Variants in CFAP46 observed in about 807,000 individuals in gnomAD.
The protein encoded by CFAP46 is cilia- and flagella-associated protein 46.
A neutral mutation model predicts 325.7 loss-of-function variants in CFAP46; 245 were observed. The observed-to-expected ratio is 0.75, with a 90% CI of 0.68 to 0.84. The LOEUF (loss-of-function observed/expected upper bound fraction) is 0.84. Among genes scored for constraint, CFAP46 ranks in the 40% least tolerant of loss-of-function variants. The pLI, the probability that CFAP46 is intolerant of heterozygous loss-of-function variation, is 0.00. For missense variants in CFAP46, 3,346 were observed against 3,543.0 expected (o/e 0.94, Z 1.41); for synonymous variants, 1,523 against 1,495.9 (o/e 1.02, Z -0.42).
chr10:132,821,015 GC>G (rs1847799206), intron 50 of CFAP46, among the ~76,000 whole-genome samples: 1 of 142,682 alleles, frequency 7.0e-6, no homozygotes, highest in African/African-American at 2.7e-5. Flanking sequence ...TGCTGTGTGT[GC>G]TGTGTGCTGT....
Position 132,860,425 on chromosome 10 carries a change from T to C in CFAP46, c.5190A>G (p.Leu1730=), listed in dbSNP as rs1230037994. 18 of 1,549,126 alleles carry C rather than the reference T, an allele frequency of 1.2e-5. No individual in the cohort carries two copies. In the Admixed American group the frequency reaches 3.3e-4, roughly 29 times the overall value. The change falls in exon 37 of 58, where the codon CTA becomes CTG. Residue 1730 remains leucine, a synonymous_variant. Coordinates refer to ENST00000368586, the MANE Select transcript of CFAP46 (RefSeq NM_001200049.3). Reference sequence around the variant, plus strand: ...TTCTTACAAAGAGTTACCTGGCTTCTAGATCTGTGATCATGAATTCCAGTA... The same window carrying C: ...TTCTTACAAAGAGTTACCTGGCTTCCAGATCTGTGATCATGAATTCCAGTA... The part of the protein sequence containing the change: ...LPLLEFMITD[L]EARCLSLRVR...
chr10:132,910,762 A>G (rs1849529576), intron 19 of CFAP46, among the ~76,000 whole-genome samples: 1 of 152,140 alleles, frequency 6.6e-6, no homozygotes, highest in African/African-American at 2.4e-5. Flanking sequence ...ACAGACACCT[A>G]CTGGGCAGCG....
At chr10:132,823,784 A>C (rs200881577) in intron 50 of CFAP46, among the ~76,000 whole-genome samples, 1 of 40,716 alleles carries the variant, frequency 2.5e-5, no homozygotes, top group African/African-American at 6.7e-5. Context: ...CTGTGTGTGC[A>C]CTGATGTGTG....
intron 19 of CFAP46, among the ~76,000 whole-genome samples, chr10:132,912,123 C>CT (rs1339042091): frequency 5.4e-5 from 5 of 92,928 alleles, no homozygotes; most frequent in Admixed American, 1.3e-4. Context: ...CCTCCACCCC[C>CT]ACCCCCCCAC....
chr10:132,936,370 C>T (rs1169659594), intron 7 of CFAP46, among the ~76,000 whole-genome samples: 3 of 79,168 alleles, frequency 3.8e-5, no homozygotes, highest in African/African-American at 1.1e-4. Context: ...CCCCTCGGCA[C>T]CCAAACACAC....
chr10:132,852,422 T>G (rs76092010), intron 39 of CFAP46, among the ~76,000 whole-genome samples: 257 of 98,468 alleles, frequency 2.6e-3, no homozygotes, highest in African/African-American at 3.8e-3. Flanking sequence ...TGTTCCTCCA[T>G]TTACTTAGGA....
At chr10:132,821,811 CTGA>C (rs1397945512) in intron 50 of CFAP46, among the ~76,000 whole-genome samples, 1 of 130,008 alleles carries the variant, frequency 7.7e-6, no homozygotes, top group Non-Finnish European at 1.6e-5. Context: ...TGTGTGAGTG[CTGA>C]TGTGTGCTGT....
At chr10:132,845,295 G>C (rs1848415013) in intron 44 of CFAP46, among the ~76,000 whole-genome samples, 1 of 152,216 alleles carries the variant, frequency 6.6e-6, no homozygotes, top group Admixed American at 6.5e-5. Flanking sequence ...TCTGGGTTGA[G>C]TCACCAGTTC....
chr10:132,902,291 C>T (rs1193642950), intron 22 of CFAP46, among the ~76,000 whole-genome samples: 1 of 151,664 alleles, frequency 6.6e-6, no homozygotes, highest in Non-Finnish European at 1.5e-5. Context: ...GCTCTGTGGC[C>T]CCACGGGTCA....
chr10:132,933,480 G>T (rs58424767), intron 8 of CFAP46, among the ~76,000 whole-genome samples: 4,559 of 152,330 alleles, frequency 0.03, 229 homozygotes, highest in African/African-American at 0.1. Flanking sequence ...ACTTCAGTTA[G>T]AACAACCTGG....
chr10:132,827,824 G>A lies in CFAP46; in HGVS notation c.7117+5534C>T, dbSNP rs1239055805. ...AAGCAACTTACCTGCCTTCTGACTT[G>A]TACATTGGTTTGTATTTCCCAGGCT... On this transcript the variant is annotated intron_variant, in intron 50 of 57. Transcript: ENST00000368586. This position sits in a 1 kb window ranked among gnomAD's most constrained non-coding sequence, Gnocchi z 5.7. Among the ~76,000 whole-genome samples the A allele has an allele frequency of 6.8e-6, 1 of 147,958 alleles. No individual in the cohort carries two copies. Among genetic ancestry groups the A allele is most frequent in the Non-Finnish European group, 1.5e-5 (1 of 67,538 alleles).
chr10:132,858,548 G>C (rs969889474), intron 38 of CFAP46, among the ~76,000 whole-genome samples: 1 of 152,066 alleles, frequency 6.6e-6, no homozygotes, highest in Non-Finnish European at 1.5e-5. Flanking sequence ...CATCAGGGCT[G>C]TGCTGGCCCT....
At chr10:132,933,977 C>T (rs1314629118) in intron 8 of CFAP46, among the ~76,000 whole-genome samples, 1 of 152,214 alleles carries the variant, frequency 6.6e-6, no homozygotes, top group Non-Finnish European at 1.5e-5. Context: ...ATCCCGCAGA[C>T]ACAGCGAGGT....
chr10:132,847,149 G>A lies in CFAP46; in HGVS notation c.6087+38C>T. 1 of 1,608,520 alleles carries A rather than the reference G, an allele frequency of 6.2e-7. No individual in the cohort carries two copies. On this transcript the variant is annotated intron_variant, in intron 42 of 57. Transcript: ENST00000368586. The surrounding 1 kb of genome is among the most constrained non-coding windows in gnomAD (Gnocchi z 5.2). ...AGGCTCAGGCTCAGGCCAGGCTCCG[G>A]GCAGAGGCCACACGAGGGGCAGGAG... is the stretch of plus-strand genomic sequence containing the variant.
chr10:132,883,761 T>C (rs965804626), intron 27 of CFAP46, among the ~76,000 whole-genome samples: 2 of 152,116 alleles, frequency 1.3e-5, no homozygotes, highest in Non-Finnish European at 2.9e-5. Context: ...TACGACTCAG[T>C]CCTAAACGGG....
chr10:132,893,376 G>A (rs1849280093), intron 24 of CFAP46, among the ~76,000 whole-genome samples: 1 of 152,236 alleles, frequency 6.6e-6, no homozygotes, highest in African/African-American at 2.4e-5. Flanking sequence ...TCACTGGGAG[G>A]AATGTGCACT....
At chr10:132,938,505 C>A (rs1036693193) in intron 5 of CFAP46, 84 bp downstream of exon 5, 8 of 1,203,642 alleles carry the variant, frequency 6.6e-6, no homozygotes, top group Non-Finnish European at 8.9e-6. Context: ...AACTCCCGTC[C>A]CCCCCCCGGA....
rs769301648 is a variant in CFAP46 at position 132,886,049 on chromosome 10, G to A, written c.3305-90C>T. The A allele has an allele frequency of 1.7e-5, 25 of 1,485,082 alleles. No individual in the cohort carries two copies. The highest frequency in any genetic ancestry group is 2.2e-5 in the Non-Finnish European group (24 of 1,102,036). The allele number at this position is 1,485,082 out of a possible 1,614,324, so 92.0% of individuals were successfully genotyped here. A position where few individuals can be genotyped will look rare whatever the true frequency, so the allele number is the denominator to read the frequency against. On this transcript the variant is annotated intron_variant, in intron 25 of 57. Transcript: ENST00000368586. This position sits in a 1 kb window ranked among gnomAD's most constrained non-coding sequence, Gnocchi z 5.8. ...CTCCCAGACTAAGCTGCCCATCACA[G>A]TGCCCCTGAGGTGGAACCGCGGCTA...
At position 132,899,582 on chromosome 10, in the gene CFAP46, C is replaced by A; in HGVS notation, c.3009G>T (p.Arg1003=). 3 of 1,549,820 alleles carry A rather than the reference C, an allele frequency of 1.9e-6. No homozygotes were observed. Among genetic ancestry groups the A allele is most frequent in the Non-Finnish European group, 2.6e-6 (3 of 1,146,958 alleles). ...TGGCTGCCACCAGTCGCAGCTGCTT[C>A]CGGCCCTTCAGGTTTTCCATGATGC... ...GRSIMENLKG[R]KQLRLVAAKA... is the part of the protein sequence containing the mutation. The change falls in exon 23 of 58, where the codon CGG becomes CGT. Residue 1003 remains arginine (R), a synonymous_variant. Coordinates refer to ENST00000368586, the MANE Select transcript of CFAP46 (RefSeq NM_001200049.3).
Sources: allele counts gnomAD v4.1 joint callset (sites outside exome capture counted in the v4.1 genomes callset), GRCh38; gene constraint gnomAD v4.1.1; non-coding constraint Gnocchi (gnomAD v3.1); transcripts MANE v1.5; gene names NCBI Gene and HGNC (gene_info 2026-07-23, HGNC 2026-07-21).